Variants in PDE2A observed in about 807,000 individuals in gnomAD.
PDE2A encodes phosphodiesterase 2A.
Under a neutral mutation model 133.6 loss-of-function variants are expected in PDE2A, and 53 were observed. The ratio of observed to expected loss-of-function variants is 0.40; its 90% CI spans 0.32 to 0.50. PDE2A has a LOEUF of 0.50. Among genes scored for constraint, PDE2A ranks in the 20% least tolerant of loss-of-function variants. The probability of loss-of-function intolerance (pLI) is 0.73; values close to 1 mark genes in which losing one functional copy is unlikely to be tolerated. For missense variants in PDE2A, 796 were observed against 1,232.4 expected (o/e 0.65, Z 5.30); for synonymous variants, 491 against 490.2 (o/e 1.00, Z -0.02).
At chr11:72,595,676 G>A (rs2135321566) in intron 6 of PDE2A, among the ~76,000 whole-genome samples, 1 of 152,140 alleles carries the variant, frequency 6.6e-6, no homozygotes. Context: ...ATCTGTCCAT[G>A]CCCCCAAGCC....
At chr11:72,585,173 A>T in intron 16 of PDE2A, 198 bp downstream of exon 16, 2 of 644,034 alleles carry the variant, frequency 3.1e-6, no homozygotes, top group South Asian at 3.7e-5. Context: ...GGAGCTGAGG[A>T]TCCAAAGCCA....
rs758235757 is a variant in PDE2A, at chr11:72,577,546, C to T, written c.2664G>A (p.Val888=). ...TGGTCCAGTGCTCACGGTTGGAGGC[C>T]ACGCGCTCGTACAGCTCTGCCGCTT... is the stretch of plus-strand genomic sequence containing the variant. ...FPKAAELYER[V]ASNREHWTKV... Residue 888 remains valine, a synonymous_variant, in exon 31 of 31, where the codon GTG becomes GTA. Transcript: ENST00000334456. 6 of 1,610,042 alleles carry T rather than the reference C, an allele frequency of 3.7e-6. No homozygotes were observed. The highest frequency in any genetic ancestry group is 5.1e-6 in the Non-Finnish European group (6 of 1,179,996).
intron 1 of PDE2A, among the ~76,000 whole-genome samples, chr11:72,653,916 A>G (rs1253097620): frequency 6.6e-6 from 1 of 152,242 alleles, no homozygotes; most frequent in Admixed American, 6.5e-5. Flanking sequence ...ACAATGAGGT[A>G]GTGCCTGAAA....
In PDE2A at chr11:72,577,340, G is replaced by T; in HGVS notation, c.*44C>A. On this transcript the variant is annotated 3_prime_UTR_variant, in exon 31 of 31. Transcript: ENST00000334456. The stretch of plus-strand genomic sequence containing the variant: ...AGTGCATCTGGCCAGACCAGTGGAG[G>T]GCTGTGGGAGGTGGCCTGGGCAGGG... The T allele has an allele frequency of 6.8e-7, 1 of 1,469,222 alleles. No individual in the cohort carries two copies. Among genetic ancestry groups the T allele is most frequent in the Non-Finnish European group, 9.4e-7 (1 of 1,059,458 alleles). 91.0% of individuals were successfully genotyped at this position (1,469,222 alleles called of 1,614,324 possible). A position where few individuals can be genotyped will look rare whatever the true frequency, so the allele number is the denominator to read the frequency against.
chr11:72,663,596 G>A (rs1435083253), intron 1 of PDE2A, among the ~76,000 whole-genome samples: 1 of 152,092 alleles, frequency 6.6e-6, no homozygotes, highest in Non-Finnish European at 1.5e-5. Flanking sequence ...AGGCATGCTG[G>A]CAGGTGCCTG....
chr11:72,672,152 GTTTC>G (rs1855400815), intron 1 of PDE2A, among the ~76,000 whole-genome samples: 1 of 150,174 alleles, frequency 6.7e-6, no homozygotes, highest in Non-Finnish European at 1.5e-5. Context: ...ACCGAGGCAG[GTTTC>G]TTTATTTTTC....
At chr11:72,657,871 A>G (rs746793692) in intron 1 of PDE2A, 20 of 456,048 alleles carry the variant, frequency 4.4e-5, no homozygotes, top group Admixed American at 4.2e-4. Flanking sequence ...GCTTGGTCCA[A>G]CTGCAGAGGC....
At position 72,653,468 on chromosome 11, in the gene PDE2A, C is replaced by G. The variant is rs112034829; in HGVS notation, c.72-11142G>C. Among the ~76,000 whole-genome samples, 584 of 152,214 alleles carry G rather than the reference C, an allele frequency of 3.8e-3. 8 individuals are homozygous for G. Among genetic ancestry groups the G allele is most frequent in the African/African-American group, 0.013 (523 of 41,518 alleles). On this transcript the variant is annotated intron_variant, in intron 1 of 30. Transcript: ENST00000334456. ...GGGGGTCCTGATTCCCAGCGAGGCTCCACTCCCGACTCCCAGGGAGGGAGA... is the reference window on the plus strand; with the variant it reads ...GGGGGTCCTGATTCCCAGCGAGGCTGCACTCCCGACTCCCAGGGAGGGAGA...
Position 72,576,705 on chromosome 11 carries a change from T to A in PDE2A, c.*679A>T, listed in dbSNP as rs1310935224. The A allele has an allele frequency of 1.2e-5, 2 of 169,334 alleles. No individual in the cohort carries two copies. The highest frequency in any genetic ancestry group is 4.8e-5 in the African/African-American group (2 of 41,496). 10.5% of individuals were successfully genotyped at this position (169,334 alleles called of 1,614,324 possible). A position where few individuals can be genotyped will look rare whatever the true frequency, so the allele number is the denominator to read the frequency against. On this transcript the variant is annotated 3_prime_UTR_variant, in exon 31 of 31. Coordinates refer to ENST00000334456, the MANE Select transcript of PDE2A (RefSeq NM_002599.5). ...GCAGGAGGAAGCATGGCTGGCTCAT[T>A]CATACCTGGGCCTGTCTCCCAGTGC...
rs777290549 is a variant in PDE2A, at chr11:72,597,656, G to T, written c.324-37C>A. ...ACATGATGCCACCTTGAGAGCCCCC[G>T]ACTCAGGGAGGAACGAGGCCTGGCC... On this transcript the variant is annotated intron_variant, in intron 4 of 30. Coordinates refer to ENST00000334456, the MANE Select transcript of PDE2A (RefSeq NM_002599.5). The surrounding 1 kb of genome is among the most constrained non-coding windows in gnomAD (Gnocchi z 4.6). The T allele has an allele frequency of 1.4e-6, 2 of 1,393,234 alleles. No individual in the cohort carries two copies. The highest frequency in any genetic ancestry group is 2.4e-5 in the South Asian group (2 of 84,522). 86.3% of individuals were successfully genotyped at this position (1,393,234 alleles called of 1,614,324 possible).
At chr11:72,645,416 C>A (rs1479397981) in intron 1 of PDE2A, among the ~76,000 whole-genome samples, 1 of 152,188 alleles carries the variant, frequency 6.6e-6, no homozygotes, top group Non-Finnish European at 1.5e-5. Flanking sequence ...GAGGGGGCAA[C>A]CAAGGCTCCT....
Position 72,591,135 on chromosome 11 carries a change from G to A in PDE2A, c.549+162C>T, listed in dbSNP as rs1161328496. ...TATCCCCATTTTCAGGTGTGAAACT[G>A]AGGCCCAGAGACGTTTAGTGACTTG... On this transcript the variant is annotated intron_variant, in intron 7 of 30. Coordinates refer to ENST00000334456, the MANE Select transcript of PDE2A (RefSeq NM_002599.5). The A allele has an allele frequency of 4.6e-6, 3 of 654,720 alleles. No individual in the cohort carries two copies. The Admixed American group carries it at 6.9e-5, about 15-fold the overall frequency. 40.6% of individuals were successfully genotyped at this position (654,720 alleles called of 1,614,324 possible). A position where few individuals can be genotyped will look rare whatever the true frequency, so the allele number is the denominator to read the frequency against.
chr11:72,601,000 C>A (rs534500436), intron 4 of PDE2A, among the ~76,000 whole-genome samples: 75 of 151,490 alleles, frequency 5.0e-4, no homozygotes, highest in African/African-American at 1.8e-3. Context: ...TTCTCTGAGC[C>A]CCTGTGTGTG....
intron 2 of PDE2A, among the ~76,000 whole-genome samples, chr11:72,624,660 C>A (rs1857957127): frequency 6.6e-6 from 1 of 152,248 alleles, no homozygotes; most frequent in Non-Finnish European, 1.5e-5. Context: ...CCTCCATGTG[C>A]TCACTGTCAC....
chr11:72,587,394 C>G (rs1856024041), intron 13 of PDE2A, among the ~76,000 whole-genome samples: 1 of 152,234 alleles, frequency 6.6e-6, no homozygotes, highest in African/African-American at 2.4e-5. Context: ...CTGAGCCCCA[C>G]CCTGGCTCAT....
chr11:72,660,961 C>A (rs910234858), intron 1 of PDE2A, among the ~76,000 whole-genome samples: 1 of 151,892 alleles, frequency 6.6e-6, no homozygotes, highest in African/African-American at 2.4e-5. Flanking sequence ...CAGGCAGGGT[C>A]TGAGAAAATG....
intron 2 of PDE2A, among the ~76,000 whole-genome samples, chr11:72,610,416 C>T (rs768263593): frequency 1.8e-4 from 28 of 152,296 alleles, no homozygotes; most frequent in East Asian, 3.9e-4. Context: ...GAAAGTTCCA[C>T]GCTGGGCTCT....
chr11:72,652,573 C>T (rs1184514981), intron 1 of PDE2A: 2 of 456,248 alleles, frequency 4.4e-6, no homozygotes, highest in Non-Finnish European at 8.8e-6. Flanking sequence ...AAATTTTAAA[C>T]AACTTTAAAG....
chr11:72,632,030 G>A (rs972275239), intron 2 of PDE2A, among the ~76,000 whole-genome samples: 2 of 152,232 alleles, frequency 1.3e-5, no homozygotes, highest in African/African-American at 4.8e-5. Flanking sequence ...GTGTGGTGGG[G>A]ACTGGGAGGG....
Sources: allele counts gnomAD v4.1 joint callset (sites outside exome capture counted in the v4.1 genomes callset), GRCh38; gene constraint gnomAD v4.1.1; non-coding constraint Gnocchi (gnomAD v3.1); transcripts MANE v1.5; gene names NCBI Gene and HGNC (gene_info 2026-07-23, HGNC 2026-07-21).